PIK3CA: variants seen among roughly 807,000 people sequenced by gnomAD.
PIK3CA encodes the protein phosphatidylinositol 4,5-bisphosphate 3-kinase catalytic subunit alpha isoform.
In PIK3CA, 27 loss-of-function variants were observed where a neutral mutation model predicts 138.2. The ratio of observed to expected loss-of-function variants is 0.20; its 90% CI spans 0.14 to 0.27. The LOEUF (loss-of-function observed/expected upper bound fraction) is 0.27. PIK3CA is among the 10% of genes least tolerant of loss of function. The pLI is 1.00. For missense variants in PIK3CA, 544 were observed against 1,277.4 expected, an observed-to-expected ratio of 0.43 and a Z score of 8.75; for synonymous variants, 358 against 413.2, an observed-to-expected ratio of 0.87 and a Z score of 1.62.
At chr3:179,233,528 C>A (rs1424434266) in intron 20 of PIK3CA, among the ~76,000 whole-genome samples, 11 of 151,986 alleles carry the variant, frequency 7.2e-5, no homozygotes, top group Admixed American at 7.2e-4. Flanking sequence ...CCTTAAACTT[C>A]ATAACACATT....
intron 1 of PIK3CA, among the ~76,000 whole-genome samples, chr3:179,150,215 T>G (rs114363082): frequency 0.011 from 1,621 of 150,280 alleles, 17 homozygotes; most frequent in Non-Finnish European, 0.015. Flanking sequence ...GTATTTTGCT[T>G]AAGTTTTTTC....
At chr3:179,172,425 G>A (rs1723581167) in intron 1 of PIK3CA, among the ~76,000 whole-genome samples, 1 of 151,472 alleles carries the variant, frequency 6.6e-6, no homozygotes, top group South Asian at 2.1e-4. Context: ...TATTTGGAAT[G>A]GAAAGGAAGA....
At chr3:179,159,345 A>G (rs570970045) in intron 1 of PIK3CA, among the ~76,000 whole-genome samples, 7 of 152,174 alleles carry the variant, frequency 4.6e-5, no homozygotes, top group Non-Finnish European at 1.0e-4. Context: ...TTAAGAATTT[A>G]TTACTTATTT....
intron 6 of PIK3CA, 99 bp from the exon 7 acceptor site, chr3:179,209,496 G>T (rs376395596): frequency 1.1e-5 from 7 of 619,006 alleles, no homozygotes; most frequent in South Asian, 6.0e-5. Context: ...CCTGTTTTTC[G>T]TTTGGTTGAT....
At chr3:179,192,515 A>G (rs970341649) in intron 1 of PIK3CA, among the ~76,000 whole-genome samples, 1 of 152,254 alleles carries the variant, frequency 6.6e-6, no homozygotes, top group East Asian at 1.9e-4. Flanking sequence ...TGTAGTTTGC[A>G]GAGGCAGGGT....
intron 9 of PIK3CA, among the ~76,000 whole-genome samples, chr3:179,213,226 A>G (rs997210714): frequency 2.6e-5 from 4 of 152,232 alleles, no homozygotes; most frequent in African/African-American, 9.6e-5. Flanking sequence ...GTCTAGTTCT[A>G]GACCACTGTA....
At chr3:179,225,858 T>C in intron 16 of PIK3CA, 104 bp from the exon 17 acceptor site, 1 of 599,482 alleles carries the variant, frequency 1.7e-6, no homozygotes. Flanking sequence ...TTTTGAAGAG[T>C]AAATATAGCT....
rs1724342742 is a variant in PIK3CA at position 179,199,128 on chromosome 3, A to G, written c.303A>G (p.Val101=). ...GGCTTTTTCAACCCTTTTTAAAAGTAATTGAACCAGTAGGCAACCGTGAAG... is the reference window on the plus strand; with the variant it reads ...GGCTTTTTCAACCCTTTTTAAAAGTGATTGAACCAGTAGGCAACCGTGAAG... The part of the protein sequence containing the change: ...DLRLFQPFLK[V]IEPVGNREEK... Residue 101 remains valine (V), a synonymous_variant, in exon 2 of 21, where the codon GTA becomes GTG. Transcript: ENST00000263967. The G allele has an allele frequency of 1.2e-6, 2 of 1,605,002 alleles. No homozygotes were observed. Among genetic ancestry groups the G allele is most frequent in the African/African-American group, 2.7e-5 (2 of 74,226 alleles).
At chr3:179,172,193 A>C (rs1723576194) in intron 1 of PIK3CA, among the ~76,000 whole-genome samples, 1 of 152,128 alleles carries the variant, frequency 6.6e-6, no homozygotes. Context: ...TTCAATACAA[A>C]TTATAATAAA....
intron 1 of PIK3CA, among the ~76,000 whole-genome samples, chr3:179,188,099 TA>T (rs1239780545): frequency 1.3e-5 from 2 of 152,350 alleles, no homozygotes; most frequent in South Asian, 4.1e-4. Flanking sequence ...TGATCTCAAC[TA>T]AAACGAAACT....
intron 9 of PIK3CA, among the ~76,000 whole-genome samples, chr3:179,211,303 G>A (rs772146769): frequency 6.6e-6 from 1 of 152,202 alleles, no homozygotes; most frequent in Non-Finnish European, 1.5e-5. Flanking sequence ...AGTACATACT[G>A]TACTACTGTA....
intron 1 of PIK3CA, among the ~76,000 whole-genome samples, chr3:179,177,312 C>CTTTT (rs11328702): frequency 3.3e-5 from 3 of 91,038 alleles, no homozygotes; most frequent in Non-Finnish European, 6.6e-5. Flanking sequence ...ATTCTCTTTT[C>CTTTT]TTTTTTTTTT....
chr3:179,154,798 G>A (rs953957673), intron 1 of PIK3CA, among the ~76,000 whole-genome samples: 1 of 152,106 alleles, frequency 6.6e-6, no homozygotes, highest in African/African-American at 2.4e-5. Flanking sequence ...GCCTGACAAT[G>A]TACTCATTTC....
chr3:179,181,359 A>C (rs909805993), intron 1 of PIK3CA, among the ~76,000 whole-genome samples: 18 of 152,210 alleles, frequency 1.2e-4, no homozygotes, highest in Admixed American at 1.1e-3. Context: ...GCTTTTGTGG[A>C]AACTAAAGTG....
chr3:179,171,336 A>G (rs1202636557), intron 1 of PIK3CA, among the ~76,000 whole-genome samples: 1 of 152,072 alleles, frequency 6.6e-6, no homozygotes, highest in African/African-American at 2.4e-5. Flanking sequence ...TGCTTATGCC[A>G]GAAAGGAAGA....
At chr3:179,169,394 AT>A (rs751657853) in intron 1 of PIK3CA, among the ~76,000 whole-genome samples, 4 of 151,674 alleles carry the variant, frequency 2.6e-5, no homozygotes, top group Admixed American at 6.6e-5. Flanking sequence ...AAGAATTGAC[AT>A]TTTGGGAATT....
intron 1 of PIK3CA, among the ~76,000 whole-genome samples, chr3:179,184,077 C>T (rs1723914760): frequency 6.6e-6 from 1 of 152,146 alleles, no homozygotes; most frequent in South Asian, 2.1e-4. Context: ...CGAGCATTGC[C>T]CCTCCCTGTG....
At chr3:179,162,044 C>CT (rs1723296725) in intron 1 of PIK3CA, among the ~76,000 whole-genome samples, 2 of 152,044 alleles carry the variant, frequency 1.3e-5, no homozygotes. Flanking sequence ...TGAAAAATCT[C>CT]TTTAATTACT....
At chr3:179,193,166 G>T (rs1244545186) in intron 1 of PIK3CA, among the ~76,000 whole-genome samples, 1 of 152,166 alleles carries the variant, frequency 6.6e-6, no homozygotes, top group African/African-American at 2.4e-5. Context: ...AGAACCAAAA[G>T]ATTTTTAAGT....
Sources: allele counts gnomAD v4.1 joint callset (sites outside exome capture counted in the v4.1 genomes callset), GRCh38; gene constraint gnomAD v4.1.1; transcripts MANE v1.5; gene names NCBI Gene and HGNC (gene_info 2026-07-23, HGNC 2026-07-21).